The following POMP variants were observed in gnomAD, a reference collection of about 807,000 sequenced individuals.
POMP encodes the protein proteasome maturation protein, also known as 2510048O06Rik.
A neutral mutation model predicts 20.6 loss-of-function variants in POMP; 12 were observed. The observed-to-expected ratio is 0.58, with a 90% CI of 0.37 to 0.94. POMP has a LOEUF of 0.94. POMP is among the 40% of genes least tolerant of loss of function. The pLI is 0.01. For synonymous variants in POMP, 53 were observed against 55.0 expected, an observed-to-expected ratio of 0.96 and a Z score of 0.16; for missense variants, 136 against 161.1, an observed-to-expected ratio of 0.84 and a Z score of 0.84.
chr13:28,670,537 C>T (rs1490037369), intron 4 of POMP, among the ~76,000 whole-genome samples: 2 of 152,142 alleles, frequency 1.3e-5, no homozygotes, highest in African/African-American at 4.8e-5. Flanking sequence ...TTGATTATGT[C>T]ATTCCCCTCA....
chr13:28,678,087 A>C lies in POMP; in HGVS notation c.411A>C (p.Lys137Asn). The change falls in exon 6 of 6, where the codon AAA (lysine) becomes AAC (asparagine). Residue 137 changes from lysine (K) to asparagine (N), a missense_variant. Transcript: ENST00000380842. ...AGCCACACTTGATGGTGGAATATAA[A>C]CTTGGTTTACTGTAATAGTGTGCTG... is the stretch of plus-strand genomic sequence containing the variant. The part of the protein sequence containing the change: ...MGEPHLMVEY[K>N]LGLL 6.2e-7 allele frequency: 1 copy of C among 1,613,978 alleles called. No homozygotes were observed. The highest frequency in any genetic ancestry group is 1.3e-5 in the African/African-American group (1 of 75,038).
intron 3 of POMP, 133 bp downstream of exon 3, chr13:28,664,702 C>G (rs1884410661): frequency 1.6e-6 from 1 of 614,964 alleles, no homozygotes; most frequent in Admixed American, 3.0e-5. Context: ...TATTTTCAAA[C>G]CCCTTGTAGG....
In POMP at chr13:28,659,147, G is replaced by A. The variant is rs1884284222; in HGVS notation, c.-38G>A. 8 of 1,575,640 alleles carry A rather than the reference G, an allele frequency of 5.1e-6. No individual in the cohort carries two copies. The East Asian group carries it at 7.1e-5, about 14-fold the overall frequency. ...AAGTGAGCGGCGGGGTCGACTGACG[G>A]TAACGGGGCAGAGAGGCTGTTCGCA... On this transcript the variant is annotated 5_prime_UTR_variant, in exon 1 of 6. Transcript: ENST00000380842.
chr13:28,665,856 G>C (rs1365908039), intron 3 of POMP, among the ~76,000 whole-genome samples: 2 of 152,198 alleles, frequency 1.3e-5, no homozygotes, highest in East Asian at 3.8e-4. Context: ...GTAGTGTAGG[G>C]TAAAGTATAT....
intron 1 of POMP, among the ~76,000 whole-genome samples, chr13:28,661,962 A>G (rs78866627): frequency 7.2e-5 from 11 of 152,180 alleles, no homozygotes; most frequent in Non-Finnish European, 1.3e-4. Context: ...AACAAATTCA[A>G]TCATGCCATA....
intron 5 of POMP, among the ~76,000 whole-genome samples, chr13:28,676,958 T>C (rs1884639624): frequency 6.6e-6 from 1 of 152,324 alleles, no homozygotes; most frequent in Non-Finnish European, 1.5e-5. Flanking sequence ...GTGCAAGTGA[T>C]TTATTTAATA....
At chr13:28,662,538 TTA>T (rs1314662596) in intron 2 of POMP, 31 bp downstream of exon 2, 2 of 1,521,512 alleles carry the variant, frequency 1.3e-6, no homozygotes, top group Non-Finnish European at 1.8e-6. Flanking sequence ...TTTGATTTTG[TTA>T]TGTTTCTGTG....
chr13:28,671,169 A>G (rs574531078), intron 4 of POMP, among the ~76,000 whole-genome samples: 2 of 152,348 alleles, frequency 1.3e-5, no homozygotes, highest in African/African-American at 4.8e-5. Context: ...TGAGTAACCT[A>G]GGGTTGAATC....
In POMP at chr13:28,678,355, A is replaced by G; in HGVS notation, c.*253A>G. 1 of 446,380 alleles carries G rather than the reference A, an allele frequency of 2.2e-6. No homozygotes were observed. Among genetic ancestry groups the G allele is most frequent in the Non-Finnish European group, 4.1e-6 (1 of 246,800 alleles). The allele number at this position is 446,380 out of a possible 1,614,324, so 27.7% of individuals were successfully genotyped here. On this transcript the variant is annotated 3_prime_UTR_variant, in exon 6 of 6. Transcript: ENST00000380842. ...TTTGTCTTTAAAAAAGTTGTTGCTC[A>G]TGAATATTATAAAATGATCTACAGG...
chr13:28,662,597 A>G (rs1192544072), intron 2 of POMP, 90 bp downstream of exon 2: 2 of 1,116,784 alleles, frequency 1.8e-6, no homozygotes, highest in Non-Finnish European at 2.7e-6. Context: ...ATACATGTGT[A>G]TTTAGTTGGC....
chr13:28,674,021 G>T (rs978932529), intron 5 of POMP, among the ~76,000 whole-genome samples: 2 of 152,204 alleles, frequency 1.3e-5, no homozygotes, highest in African/African-American at 4.8e-5. Context: ...GTGAATTTCT[G>T]AAAGAAACAT....
intron 1 of POMP, among the ~76,000 whole-genome samples, chr13:28,660,083 CAG>C (rs10546023): frequency 0.044 from 6,742 of 152,186 alleles, 493 homozygotes; most frequent in African/African-American, 0.15. Flanking sequence ...ATGACAATAA[CAG>C]AATCCAGAAG....
intron 4 of POMP, among the ~76,000 whole-genome samples, chr13:28,669,620 T>C (rs1203589107): frequency 6.6e-6 from 1 of 152,096 alleles, no homozygotes; most frequent in Non-Finnish European, 1.5e-5. Context: ...CCTCAAGCTA[T>C]CATCCCACCT....
intron 3 of POMP, among the ~76,000 whole-genome samples, chr13:28,665,610 A>G (rs1302633973): frequency 1.3e-5 from 2 of 152,206 alleles, no homozygotes; most frequent in Non-Finnish European, 2.9e-5. Context: ...GGATCTAACT[A>G]AAAAATAAGA....
At chr13:28,662,561 A>G (rs986984663) in intron 2 of POMP, 54 bp downstream of exon 2, 5 of 1,407,722 alleles carry the variant, frequency 3.6e-6, no homozygotes, top group African/African-American at 1.4e-5. Context: ...AATTTTCACA[A>G]TATTCTTTAA....
chr13:28,660,170 T>A (rs1884308860), intron 1 of POMP, among the ~76,000 whole-genome samples: 2 of 152,224 alleles, frequency 1.3e-5, no homozygotes, highest in South Asian at 2.1e-4. Context: ...AGGAGAATGT[T>A]CATATAGGGA....
At chr13:28,665,433 C>T (rs557160116) in intron 3 of POMP, among the ~76,000 whole-genome samples, 2 of 152,082 alleles carry the variant, frequency 1.3e-5, no homozygotes, top group African/African-American at 4.8e-5. Flanking sequence ...TAAAAAAATT[C>T]CTCATCGATT....
At chr13:28,666,410 C>G (rs1884447037) in intron 3 of POMP, among the ~76,000 whole-genome samples, 1 of 152,142 alleles carries the variant, frequency 6.6e-6, no homozygotes, top group Non-Finnish European at 1.5e-5. Context: ...TGGTTTAGTT[C>G]TAAGCAATAC....
intron 5 of POMP, among the ~76,000 whole-genome samples, chr13:28,675,626 A>G (rs1884615725): frequency 6.6e-6 from 1 of 152,196 alleles, no homozygotes; most frequent in African/African-American, 2.4e-5. Context: ...CCCAACCTAA[A>G]TATTACTCAG....
Sources: allele counts gnomAD v4.1 joint callset (sites outside exome capture counted in the v4.1 genomes callset), GRCh38; gene constraint gnomAD v4.1.1; transcripts MANE v1.5; gene names NCBI Gene and HGNC (gene_info 2026-07-23, HGNC 2026-07-21).